The following KCNH5 variants were observed in gnomAD, a reference collection of about 807,000 sequenced individuals.
The protein encoded by KCNH5 is potassium voltage-gated channel subfamily H member 5, also known as voltage-gated delayed rectifier potassium channel KCNH5.
Under a neutral mutation model 96.1 loss-of-function variants are expected in KCNH5, and 46 were observed. The ratio of observed to expected loss-of-function variants is 0.48; its 90% CI spans 0.38 to 0.61. KCNH5 has a LOEUF of 0.61. Ranked by LOEUF, KCNH5 falls within the 20% of genes least tolerant of loss-of-function variation. KCNH5 has a pLI of 0.00. For synonymous variants in KCNH5, 439 were observed against 449.8 expected (o/e 0.98, Z 0.30); for missense variants, 907 against 1,225.8 (o/e 0.74, Z 3.88).
chr14:62,848,011 A>G (rs1887732841), intron 8 of KCNH5, among the ~76,000 whole-genome samples: 1 of 152,252 alleles, frequency 6.6e-6, no homozygotes, highest in African/African-American at 2.4e-5. Context: ...TCAAGAATAT[A>G]GAGAGCAAGG....
In KCNH5 at chr14:62,993,304, T is replaced by C. The variant is rs887961081; in HGVS notation, c.434-6117A>G. Among the ~76,000 whole-genome samples the C allele has an allele frequency of 1.6e-4, 25 of 152,224 alleles. 3 individuals are homozygous for C. Among genetic ancestry groups the C allele is most frequent in the Admixed American group, 1.6e-3 (25 of 15,244 alleles). ...GACTACTTTGGCTATTTGGGGTTTT[T>C]TTAGTTCCATATGAATTTTAGAATT... is the stretch of plus-strand genomic sequence containing the variant. On this transcript the variant is annotated intron_variant, in intron 4 of 10. Coordinates refer to ENST00000322893, the MANE Select transcript of KCNH5 (RefSeq NM_139318.5).
intron 6 of KCNH5, among the ~76,000 whole-genome samples, chr14:62,951,674 C>G (rs765163645): frequency 6.6e-6 from 1 of 152,096 alleles, no homozygotes; most frequent in Non-Finnish European, 1.5e-5. Flanking sequence ...AAGAAGGAAA[C>G]AGTTGGCAGG....
intron 8 of KCNH5, among the ~76,000 whole-genome samples, chr14:62,842,117 A>G (rs1199736574): frequency 1.3e-5 from 2 of 152,250 alleles, no homozygotes; most frequent in African/African-American, 4.8e-5. Flanking sequence ...TTGACACATG[A>G]AAAGTTTACT....
At chr14:62,734,254 C>T (rs1056354650) in intron 10 of KCNH5, among the ~76,000 whole-genome samples, 11 of 152,042 alleles carry the variant, frequency 7.2e-5, no homozygotes, top group Non-Finnish European at 1.6e-4. Flanking sequence ...AAATGAAAAT[C>T]TGCCTATTCT....
intron 10 of KCNH5, among the ~76,000 whole-genome samples, chr14:62,752,286 C>T (rs1885518250): frequency 6.6e-6 from 1 of 151,948 alleles, no homozygotes; most frequent in Non-Finnish European, 1.5e-5. Context: ...ACATGCAGAT[C>T]CTGCCAAGGA....
At chr14:62,824,381 T>C (rs1049151649) in intron 8 of KCNH5, among the ~76,000 whole-genome samples, 15 of 151,966 alleles carry the variant, frequency 9.9e-5, no homozygotes, top group Admixed American at 6.6e-5. Context: ...GTGCTGAAAA[T>C]ACAAAGTTTG....
chr14:62,762,662 G>A (rs2139957480), intron 10 of KCNH5, among the ~76,000 whole-genome samples: 1 of 151,926 alleles, frequency 6.6e-6, no homozygotes, highest in African/African-American at 2.4e-5. Flanking sequence ...GACATCCACA[G>A]GCTCAAAGTA....
chr14:62,925,299 A>T (rs1889453621), intron 7 of KCNH5, among the ~76,000 whole-genome samples: 1 of 152,044 alleles, frequency 6.6e-6, no homozygotes, highest in Non-Finnish European at 1.5e-5. Flanking sequence ...CATTCATTTT[A>T]AAATGAAAAT....
chr14:62,720,139 C>T (rs771142968), intron 10 of KCNH5, among the ~76,000 whole-genome samples: 1 of 152,118 alleles, frequency 6.6e-6, no homozygotes, highest in Non-Finnish European at 1.5e-5. Flanking sequence ...CTGGAGAGGG[C>T]TCAGAGAGGG....
At chr14:62,840,566 C>CTTTTTTTTTTTTTTTTTTTTTT (rs71120238) in intron 8 of KCNH5, among the ~76,000 whole-genome samples, 15 of 76,364 alleles carry the variant, frequency 2.0e-4, no homozygotes, top group Non-Finnish European at 2.5e-4. Flanking sequence ...TCTTTTTTTT[C>CTTTTTTTTTTTTTTTTTTTTTT]TTTTTTTTTT....
intron 8 of KCNH5, among the ~76,000 whole-genome samples, chr14:62,813,130 G>T (rs946533490): frequency 6.6e-6 from 1 of 152,078 alleles, no homozygotes; most frequent in African/African-American, 2.4e-5. Flanking sequence ...TTGCCAAACT[G>T]CATCCTAGAA....
rs180988939 is a variant in KCNH5 at position 62,960,895 on chromosome 14, A to G, written c.943-10336T>C. Among the ~76,000 whole-genome samples, 20 of 152,312 alleles carry G rather than the reference A, an allele frequency of 1.3e-4. No individual in the cohort carries two copies. In the East Asian group the frequency reaches 2.3e-3, roughly 18 times the overall value. On this transcript the variant is annotated intron_variant, in intron 6 of 10. Coordinates refer to ENST00000322893, the MANE Select transcript of KCNH5 (RefSeq NM_139318.5). ...CCTGTATTAGCCAATTCATATTCTA[A>G]TTGAAACACAGTGGCATAAATGGCC...
At chr14:62,786,813 ATTG>A (rs1886329878) in intron 9 of KCNH5, among the ~76,000 whole-genome samples, 1 of 152,056 alleles carries the variant, frequency 6.6e-6, no homozygotes, top group South Asian at 2.1e-4. Flanking sequence ...CTTTCATGTT[ATTG>A]TTGTAATTGT....
rs144156542 is a variant in KCNH5 at position 62,931,699 on chromosome 14, G to C, written c.1369+18434C>G. Among the ~76,000 whole-genome samples the C allele has an allele frequency of 8.1e-4, 124 of 152,284 alleles. 1 individual carries two copies. The highest frequency in any genetic ancestry group is 2.8e-3 in the African/African-American group (118 of 41,566). On this transcript the variant is annotated intron_variant, in intron 7 of 10. Coordinates refer to ENST00000322893, the MANE Select transcript of KCNH5 (RefSeq NM_139318.5). ...GTCACCACCAAGTACTTTGGGAAGT[G>C]AAGGAGCAAAGGTGGGGCTAAAACT...
At chr14:62,726,690 T>C (rs1174575980) in intron 10 of KCNH5, among the ~76,000 whole-genome samples, 1 of 152,164 alleles carries the variant, frequency 6.6e-6, no homozygotes, top group African/African-American at 2.4e-5. Context: ...GAAAACTGCT[T>C]GATGAGTATC....
chr14:62,968,735 G>T (rs917676478), intron 6 of KCNH5, among the ~76,000 whole-genome samples: 1 of 152,168 alleles, frequency 6.6e-6, no homozygotes, highest in Non-Finnish European at 1.5e-5. Flanking sequence ...TTTGTAGGCT[G>T]GCAATTAGAT....
intron 10 of KCNH5, among the ~76,000 whole-genome samples, chr14:62,772,098 T>G (rs1449795536): frequency 6.6e-6 from 1 of 152,090 alleles, no homozygotes; most frequent in Non-Finnish European, 1.5e-5. Flanking sequence ...TTTTCAGCCC[T>G]AACAACAACA....
intron 7 of KCNH5, among the ~76,000 whole-genome samples, chr14:62,945,520 T>C (rs1956023): frequency 6.6e-6 from 1 of 152,176 alleles, no homozygotes; most frequent in African/African-American, 2.4e-5. Context: ...AAGAATTGTT[T>C]AGATACTGGG....
Position 62,779,656 on chromosome 14 carries a change from T to G in KCNH5, c.2019+72A>C, listed in dbSNP as rs1415567013. 2.4e-6 allele frequency: 3 copies of G among 1,235,160 alleles called. No homozygotes were observed. The Admixed American group carries it at 7.6e-5, about 31-fold the overall frequency. 76.5% of individuals were successfully genotyped at this position (1,235,160 alleles called of 1,614,324 possible). ...CTGCAAAACAAAATATCTTCTCTACTCTTCAGCTAATAGAGCTGAATTAAT... is the reference window on the plus strand; with the variant it reads ...CTGCAAAACAAAATATCTTCTCTACGCTTCAGCTAATAGAGCTGAATTAAT... On this transcript the variant is annotated intron_variant, in intron 10 of 10. Coordinates refer to ENST00000322893, the MANE Select transcript of KCNH5 (RefSeq NM_139318.5).
Sources: gnomAD v4.1 joint callset for allele counts (sites outside exome capture counted in the v4.1 genomes callset) on GRCh38, gnomAD v4.1.1 for gene constraint, MANE v1.5 for transcripts, NCBI Gene and HGNC (gene_info 2026-07-23, HGNC 2026-07-21) for gene names.